ECSIT: variants seen among roughly 807,000 people sequenced by gnomAD.
ECSIT encodes the protein evolutionarily conserved signaling intermediate in Toll pathway, mitochondrial.
In ECSIT, 29 loss-of-function variants were observed where a neutral mutation model predicts 36.8. That is an observed-to-expected ratio of 0.79 (90% CI 0.59 to 1.08). The LOEUF (loss-of-function observed/expected upper bound fraction) is 1.08. ECSIT is among the 50% of genes least tolerant of loss of function. The pLI is 0.00. For missense variants in ECSIT, 542 were observed against 581.0 expected, an observed-to-expected ratio of 0.93 and a Z score of 0.69; for synonymous variants, 231 against 234.8, an observed-to-expected ratio of 0.98 and a Z score of 0.15.
intron 4 of ECSIT, among the ~76,000 whole-genome samples, chr19:11,511,848 C>T (rs1485980106): frequency 2.0e-5 from 3 of 151,958 alleles, no homozygotes. Flanking sequence ...GCCTGGCCAA[C>T]ATGGTAAAAC....
chr19:11,528,400 C>A (rs999419410), intron 1 of ECSIT, among the ~76,000 whole-genome samples: 1 of 152,186 alleles, frequency 6.6e-6, no homozygotes, highest in African/African-American at 2.4e-5. Context: ...TACAGGCGTG[C>A]ACCACTACGC....
intron 1 of ECSIT, chr19:11,523,794 A>C (rs1972156476): frequency 3.1e-6 from 2 of 655,686 alleles, no homozygotes; most frequent in Admixed American, 3.7e-5. Context: ...TCTCAGGCCA[A>C]GGATGTCATC....
At position 11,506,295 on chromosome 19, in the gene ECSIT, CCCGGCGAG is replaced by C; in HGVS notation, c.1177_1184del (p.Leu393ValfsTer39). ...AGGATGTCTGGAGCTCCCGGGTGGACCCGGCGAGGCGGAAGACCACGGGGATCTGGGCC... is the reference window on the plus strand; with the variant it reads ...AGGATGTCTGGAGCTCCCGGGTGGACGCGGAAGACCACGGGGATCTGGGCC... On this transcript the variant is annotated frameshift_variant, in exon 8 of 8. Transcript: ENST00000270517. LOFTEE classifies it low-confidence loss of function (END_TRUNC). The C allele has an allele frequency of 6.2e-7, 1 of 1,612,884 alleles. No homozygotes were observed. Among genetic ancestry groups the C allele is most frequent in the South Asian group, 1.1e-5 (1 of 91,086 alleles).
In ECSIT at chr19:11,505,991, C is replaced by CGG. The variant is rs1443031457; in HGVS notation, c.*192_*193insCC. ...GAATTCGGAGAACCAGAGGCGCCTG[C>CGG]AGATTCTGGAGGGGTCTCGCCTGCC... On this transcript the variant is annotated 3_prime_UTR_variant, in exon 8 of 8. Coordinates refer to ENST00000270517, the MANE Select transcript of ECSIT (RefSeq NM_016581.5). The CGG allele has an allele frequency of 2.1e-5, 22 of 1,033,392 alleles. No individual in the cohort carries two copies. The African/African-American group carries it at 2.6e-4, about 12-fold the overall frequency. The allele number at this position is 1,033,392 out of a possible 1,614,324, so 64.0% of individuals were successfully genotyped here. A position where few individuals can be genotyped will look rare whatever the true frequency, so the allele number is the denominator to read the frequency against.
chr19:11,522,441 C>G, intron 1 of ECSIT: 1 of 1,457,912 alleles, frequency 6.9e-7, no homozygotes, highest in Non-Finnish European at 9.5e-7. Flanking sequence ...CCCACCAGGT[C>G]CTGCGCCATC....
At chr19:11,517,236 C>T (rs145349256) in intron 2 of ECSIT, among the ~76,000 whole-genome samples, 4 of 151,374 alleles carry the variant, frequency 2.6e-5, no homozygotes, top group African/African-American at 4.9e-5. Context: ...CCCTACTCTG[C>T]GGTCCCCACA....
chr19:11,507,084 G>A lies in ECSIT; in HGVS notation c.1051+373C>T, dbSNP rs1011319345. Reference sequence around the variant, plus strand: ...AGTAGCCAGCACAGAGTTGTAGGAGGGAGGGAATGAACAAGGGCCAACAGG... The same window carrying A: ...AGTAGCCAGCACAGAGTTGTAGGAGAGAGGGAATGAACAAGGGCCAACAGG... On this transcript the variant is annotated intron_variant, in intron 7 of 7. Coordinates refer to ENST00000270517, the MANE Select transcript of ECSIT (RefSeq NM_016581.5). 2.0e-5 allele frequency among the ~76,000 whole-genome samples: 3 copies of A among 152,176 alleles called. No individual in the cohort carries two copies. In the East Asian group the frequency reaches 5.8e-4, roughly 29 times the overall value.
intron 1 of ECSIT, among the ~76,000 whole-genome samples, chr19:11,520,865 G>T (rs1048920774): frequency 6.6e-6 from 1 of 151,504 alleles, no homozygotes; most frequent in African/African-American, 2.4e-5. Context: ...GATTGCAATG[G>T]CATGATCTTG....
chr19:11,512,924 C>G (rs1971900793), intron 4 of ECSIT, 132 bp downstream of exon 4: 3 of 920,472 alleles, frequency 3.3e-6, no homozygotes, highest in Admixed American at 2.0e-5. Context: ...GCCTGGGCAA[C>G]AGAGCAAGAC....
chr19:11,519,069 G>C lies in ECSIT; in HGVS notation c.96+6C>G. The C allele has an allele frequency of 1.3e-6, 2 of 1,551,126 alleles. No individual in the cohort carries two copies. Reference sequence around the variant, plus strand: ...CTACCCAAAAGACTGCCTGGCTGGTGCTTACCTGAGAGATGGAGGTTCCTG... The same window carrying C: ...CTACCCAAAAGACTGCCTGGCTGGTCCTTACCTGAGAGATGGAGGTTCCTG... On this transcript the variant is annotated splice_donor_region_variant and intron_variant, in intron 2 of 7. Coordinates refer to ENST00000270517, the MANE Select transcript of ECSIT (RefSeq NM_016581.5). The surrounding 1 kb of genome is among the most constrained non-coding windows in gnomAD (Gnocchi z 4.4).
intron 1 of ECSIT, among the ~76,000 whole-genome samples, chr19:11,521,546 C>G (rs561671038): frequency 1.3e-5 from 2 of 150,762 alleles, no homozygotes; most frequent in South Asian, 4.2e-4. Context: ...GCAGGCAGAT[C>G]ACCTGAGGCC....
intron 2 of ECSIT, among the ~76,000 whole-genome samples, chr19:11,515,126 CAG>C (rs1397759426): frequency 1.5e-5 from 2 of 131,746 alleles, no homozygotes; most frequent in African/African-American, 6.5e-5. Flanking sequence ...TTTTTTGAGA[CAG>C]AGTCTCGCTT....
rs771599529 is a variant in ECSIT at position 11,507,902 on chromosome 19, GC to G, written c.797-53del. The G allele has an allele frequency of 2.5e-6, 4 of 1,613,976 alleles. No homozygotes were observed. The African/African-American group carries it at 4.0e-5, about 16-fold the overall frequency. On this transcript the variant is annotated intron_variant, in intron 5 of 7. Transcript: ENST00000270517. ...GCCCTGCAAGGGACTCGGCCCAGAG[GC>G]CCAGGGAGCCCAGCCTAGGCCCAGC...
intron 4 of ECSIT, among the ~76,000 whole-genome samples, chr19:11,512,465 T>C (rs1207749010): frequency 6.6e-6 from 1 of 152,194 alleles, no homozygotes; most frequent in Non-Finnish European, 1.5e-5. Flanking sequence ...GGTGGCACCT[T>C]GATCTTGGAC....
In ECSIT at chr19:11,514,134, G is replaced by T; in HGVS notation, c.184C>A (p.Arg62=). 1.2e-6 allele frequency: 2 copies of T among 1,613,924 alleles called. No homozygotes were observed. The highest frequency in any genetic ancestry group is 1.7e-6 in the Non-Finnish European group (2 of 1,179,866). Residue 62 remains arginine, a synonymous_variant, in exon 3 of 8, where the codon CGG becomes AGG. Transcript: ENST00000270517. ...QSLVPSPPEP[R]QRPTKALVPF... ...ACCAGAGCCTTGGTGGGCCTCTGCCGGGGTTCCGGTGGGCTGGGAACCAGG... is the reference window on the plus strand; with the variant it reads ...ACCAGAGCCTTGGTGGGCCTCTGCCTGGGTTCCGGTGGGCTGGGAACCAGG...
At position 11,513,899 on chromosome 19, in the gene ECSIT, A is replaced by G. The variant is rs145036301; in HGVS notation, c.419T>C (p.Val140Ala). 1,174 of 1,613,902 alleles carry G rather than the reference A, an allele frequency of 7.3e-4. 19 individuals carry two copies. The East Asian group carries it at 0.022, about 31-fold the overall frequency. The change falls in exon 3 of 8, where the codon GTC (valine) becomes GCC (alanine). Residue 140 changes from valine to alanine, a missense_variant. Transcript: ENST00000270517. ...CTGGATGATGTTGCGAGGCCGGAAG[A>G]CCTCCTTGGGGAAGATGTTGAGCAG... is the stretch of plus-strand genomic sequence containing the variant. ...NQLLNIFPKE[V>A]FRPRNIIQRI...
rs773051413 is a variant in ECSIT, at chr19:11,506,162, C to G, written c.*22G>C. 2 of 1,601,132 alleles carry G rather than the reference C, an allele frequency of 1.2e-6. No individual in the cohort carries two copies. The highest frequency in any genetic ancestry group is 1.1e-5 in the South Asian group (1 of 90,980). Reference sequence around the variant, plus strand: ...TCCACCGCCTCCTCGGGCCACAGCCCGTGCCCTCGCGCCGGCTCAGACTAG... The same window carrying G: ...TCCACCGCCTCCTCGGGCCACAGCCGGTGCCCTCGCGCCGGCTCAGACTAG... On this transcript the variant is annotated 3_prime_UTR_variant, in exon 8 of 8. Coordinates refer to ENST00000270517, the MANE Select transcript of ECSIT (RefSeq NM_016581.5).
At chr19:11,507,652 G>C (rs200789689) in intron 6 of ECSIT, 50 bp downstream of exon 6, 2 of 1,613,804 alleles carry the variant, frequency 1.2e-6, no homozygotes, top group East Asian at 2.2e-5. Context: ...CCTCAGGGTA[G>C]TGCCAGCCCA....
At chr19:11,526,785 C>T (rs904965202) in intron 1 of ECSIT, among the ~76,000 whole-genome samples, 1 of 147,142 alleles carries the variant, frequency 6.8e-6, no homozygotes, top group African/African-American at 2.5e-5. Flanking sequence ...AATGGCGCAT[C>T]TCGGCTCACT....
Sources: gnomAD v4.1 joint callset for allele counts (sites outside exome capture counted in the v4.1 genomes callset) on GRCh38, gnomAD v4.1.1 for gene constraint, Gnocchi (gnomAD v3.1) non-coding constraint, MANE v1.5 for transcripts, NCBI Gene and HGNC (gene_info 2026-07-23, HGNC 2026-07-21) for gene names.